The following MAP4K3 variants were observed in gnomAD, a reference collection of about 807,000 sequenced individuals.
The protein encoded by MAP4K3 is MAPK/ERK kinase kinase kinase 3.
In MAP4K3, 94 loss-of-function variants were observed where a neutral mutation model predicts 143.5. The ratio of observed to expected loss-of-function variants is 0.65; its 90% CI spans 0.55 to 0.78. MAP4K3 has a LOEUF of 0.78. MAP4K3 is among the 30% of genes least tolerant of loss of function. The pLI is 0.00. For missense variants in MAP4K3, 1,077 were observed against 1,068.1 expected, an observed-to-expected ratio of 1.01 and a Z score of -0.12; for synonymous variants, 416 against 347.2, an observed-to-expected ratio of 1.20 and a Z score of -2.20.
At chr2:39,358,781 T>G (rs961958957) in intron 2 of MAP4K3, among the ~76,000 whole-genome samples, 2 of 152,196 alleles carry the variant, frequency 1.3e-5, no homozygotes, top group Non-Finnish European at 2.9e-5. Context: ...AGAAATACAT[T>G]ATAAAGATAG....
At chr2:39,330,429 G>A (rs1683645291) in intron 8 of MAP4K3, among the ~76,000 whole-genome samples, 1 of 152,028 alleles carries the variant, frequency 6.6e-6, no homozygotes, top group South Asian at 2.1e-4. Context: ...TCCCATGCAC[G>A]GTTTCTCAGA....
chr2:39,341,806 T>C (rs948751372), intron 4 of MAP4K3, among the ~76,000 whole-genome samples: 4 of 152,204 alleles, frequency 2.6e-5, no homozygotes, highest in Admixed American at 2.6e-4. Flanking sequence ...AATACTGTTT[T>C]GTCATGTAAA....
chr2:39,377,360 C>T (rs751336357), intron 2 of MAP4K3, among the ~76,000 whole-genome samples: 1 of 151,870 alleles, frequency 6.6e-6, no homozygotes, highest in Non-Finnish European at 1.5e-5. Context: ...CTGTGGTACT[C>T]GGTCTAGACA....
intron 3 of MAP4K3, among the ~76,000 whole-genome samples, chr2:39,343,975 A>T (rs1214182078): frequency 6.6e-6 from 1 of 152,198 alleles, no homozygotes; most frequent in East Asian, 1.9e-4. Context: ...ATATAGTCAT[A>T]GGAGAAATAA....
intron 31 of MAP4K3, among the ~76,000 whole-genome samples, chr2:39,255,809 A>G (rs1016727870): frequency 6.6e-6 from 1 of 152,174 alleles, no homozygotes; most frequent in Non-Finnish European, 1.5e-5. Context: ...TACAGGCATG[A>G]GCCGCCGCGC....
chr2:39,265,021 T>C (rs1448535099), intron 28 of MAP4K3, among the ~76,000 whole-genome samples, 182 bp downstream of exon 28: 2 of 152,230 alleles, frequency 1.3e-5, no homozygotes, highest in African/African-American at 4.8e-5. Context: ...CTCTAGTCTC[T>C]TATAAAACTT....
chr2:39,425,177 G>C (rs1305945378), intron 1 of MAP4K3, among the ~76,000 whole-genome samples: 1 of 141,934 alleles, frequency 7.0e-6, no homozygotes, highest in African/African-American at 2.6e-5. Context: ...AAAAAAAGTA[G>C]ATGAATTCAA....
chr2:39,324,297 C>T (rs1327900732), intron 12 of MAP4K3, among the ~76,000 whole-genome samples: 3 of 152,016 alleles, frequency 2.0e-5, no homozygotes, highest in Non-Finnish European at 4.4e-5. Context: ...ATCCCAGCTA[C>T]TCAGGAGGCT....
chr2:39,304,810 T>C lies in MAP4K3; in HGVS notation c.1119+3133A>G, dbSNP rs527516677. Among the ~76,000 whole-genome samples the C allele has an allele frequency of 2.0e-5, 3 of 152,346 alleles. No homozygotes were observed. In the South Asian group the frequency reaches 6.2e-4, roughly 32 times the overall value. The stretch of plus-strand genomic sequence containing the variant: ...GCCAAAAGGTAGAAGCAACTCACTG[T>C]CCATCAATGGATGAATGTATAAACA... On this transcript the variant is annotated intron_variant, in intron 15 of 33. Transcript: ENST00000263881.
At chr2:39,319,928 G>C (rs1446551388) in intron 12 of MAP4K3, among the ~76,000 whole-genome samples, 2 of 152,162 alleles carry the variant, frequency 1.3e-5, no homozygotes, top group Non-Finnish European at 2.9e-5. Context: ...CATTTTTTAA[G>C]AGTCTTGATG....
At chr2:39,304,613 C>T (rs1007513804) in intron 15 of MAP4K3, among the ~76,000 whole-genome samples, 18 of 152,242 alleles carry the variant, frequency 1.2e-4, no homozygotes, top group African/African-American at 4.3e-4. Context: ...TCATGTGCAT[C>T]GCTGGTGGGA....
intron 28 of MAP4K3, among the ~76,000 whole-genome samples, chr2:39,262,342 G>A (rs757307475): frequency 4.6e-5 from 7 of 152,030 alleles, no homozygotes; most frequent in South Asian, 4.1e-4. Context: ...TCCATTCCAC[G>A]GGCACAGACA....
intron 6 of MAP4K3, among the ~76,000 whole-genome samples, chr2:39,336,069 G>A (rs1024539835): frequency 2.0e-5 from 3 of 152,170 alleles, no homozygotes. Context: ...GGAGATGGCA[G>A]TATCTTTAGA....
At chr2:39,370,455 A>C (rs1666049721) in intron 2 of MAP4K3, among the ~76,000 whole-genome samples, 2 of 152,212 alleles carry the variant, frequency 1.3e-5, no homozygotes, top group Non-Finnish European at 2.9e-5. Context: ...TCTATGATGA[A>C]AGATAAGGAG....
At chr2:39,250,900 T>A (rs1680130010) in intron 33 of MAP4K3, among the ~76,000 whole-genome samples, 195 bp from the exon 34 acceptor site, 1 of 152,166 alleles carries the variant, frequency 6.6e-6, no homozygotes, top group Non-Finnish European at 1.5e-5. Context: ...GTCCACTACC[T>A]CCCACCTCTA....
chr2:39,325,474 A>G, intron 12 of MAP4K3, 44 bp downstream of exon 12: 1 of 1,293,836 alleles, frequency 7.7e-7, no homozygotes, highest in Non-Finnish European at 1.1e-6. Context: ...ATATACATAC[A>G]CATATACATG....
At chr2:39,418,364 C>G (rs926017086) in intron 1 of MAP4K3, among the ~76,000 whole-genome samples, 9 of 152,078 alleles carry the variant, frequency 5.9e-5, no homozygotes, top group Non-Finnish European at 1.2e-4. Flanking sequence ...TACATCCATA[C>G]TAATATAAAA....
At chr2:39,360,822 G>T (rs1318453312) in intron 2 of MAP4K3, among the ~76,000 whole-genome samples, 1 of 152,124 alleles carries the variant, frequency 6.6e-6, no homozygotes, top group Admixed American at 6.5e-5. Flanking sequence ...GCAGCAGGGG[G>T]TAACTGCCCC....
In MAP4K3 at chr2:39,250,496, C is replaced by G. The variant is rs745641301; in HGVS notation, c.*122G>C. 5 of 919,222 alleles carry G rather than the reference C, an allele frequency of 5.4e-6. No individual in the cohort carries two copies. The highest frequency in any genetic ancestry group is 8.0e-6 in the Non-Finnish European group (5 of 622,964). 56.9% of individuals were successfully genotyped at this position (919,222 alleles called of 1,614,324 possible). ...ATTTTCCCCATCTTATCTCATGCCACAATAAATTACAAAGTAACTGAAGAC... is the reference window on the plus strand; with the variant it reads ...ATTTTCCCCATCTTATCTCATGCCAGAATAAATTACAAAGTAACTGAAGAC... On this transcript the variant is annotated 3_prime_UTR_variant, in exon 34 of 34. Transcript: ENST00000263881.
Sources: gnomAD v4.1 joint callset for allele counts (sites outside exome capture counted in the v4.1 genomes callset) on GRCh38, gnomAD v4.1.1 for gene constraint, MANE v1.5 for transcripts, NCBI Gene and HGNC (gene_info 2026-07-23, HGNC 2026-07-21) for gene names.